Variants in ALK observed in about 807,000 individuals in gnomAD.
The protein encoded by ALK is ALK tyrosine kinase receptor.
A neutral mutation model predicts 163.1 loss-of-function variants in ALK; 74 were observed. That is an observed-to-expected ratio of 0.45 (90% CI 0.38 to 0.55). The LOEUF is 0.55. Ranked by LOEUF, ALK falls within the 20% of genes least tolerant of loss-of-function variation. The pLI is 0.00. For missense variants in ALK, 2,063 were observed against 2,105.3 expected (o/e 0.98, Z 0.39); for synonymous variants, 960 against 843.2 (o/e 1.14, Z -2.40).
chr2:29,258,226 A>G (rs1664997963), intron 11 of ALK, among the ~76,000 whole-genome samples: 2 of 152,166 alleles, frequency 1.3e-5, no homozygotes, highest in African/African-American at 4.8e-5. Flanking sequence ...GGGCAGTTCA[A>G]CATGTTCTCT....
chr2:29,194,004 C>G (rs1015209897), intron 28 of ALK, 82 bp from the exon 29 acceptor site: 3 of 1,330,050 alleles, frequency 2.3e-6, no homozygotes, highest in Non-Finnish European at 3.2e-6. Context: ...ATGATGTTAT[C>G]TAAACATATT....
intron 1 of ALK, among the ~76,000 whole-genome samples, chr2:29,734,533 T>A (rs974215978): frequency 1.6e-4 from 25 of 151,788 alleles, no homozygotes; most frequent in African/African-American, 5.6e-4. Context: ...AGGGATAGTA[T>A]CTTTACTATC....
intron 4 of ALK, among the ~76,000 whole-genome samples, chr2:29,409,659 C>G (rs546955176): frequency 2.0e-5 from 3 of 152,292 alleles, no homozygotes; most frequent in African/African-American, 7.2e-5. Context: ...GCCAGTGGCT[C>G]CCGTCAAGCC....
intron 1 of ALK, among the ~76,000 whole-genome samples, chr2:29,876,168 G>A (rs1311828250): frequency 6.6e-6 from 1 of 152,220 alleles, no homozygotes; most frequent in Non-Finnish European, 1.5e-5. Context: ...TACATAAAAT[G>A]GGGATAATAC....
chr2:29,497,187 G>A (rs141519371), intron 4 of ALK, among the ~76,000 whole-genome samples: 1,909 of 152,086 alleles, frequency 0.013, 16 homozygotes, highest in East Asian at 0.019. Flanking sequence ...CAGGAGAATC[G>A]CTTGAACCTG....
intron 3 of ALK, among the ~76,000 whole-genome samples, chr2:29,595,319 ATT>A (rs10641464): frequency 0.028 from 3,465 of 123,828 alleles, 110 homozygotes; most frequent in African/African-American, 0.1. Flanking sequence ...GTCTTACTGG[ATT>A]TTTTTTTTTT....
intron 1 of ALK, among the ~76,000 whole-genome samples, chr2:29,773,057 T>C (rs531086774): frequency 6.6e-6 from 1 of 152,334 alleles, no homozygotes; most frequent in South Asian, 2.1e-4. Flanking sequence ...CCAACATTGA[T>C]GTTGGAACTA....
At position 29,831,172 on chromosome 2, in the gene ALK, A is replaced by AGGG. The variant is rs1665394431; in HGVS notation, c.667+88820_667+88821insCCC. Among the ~76,000 whole-genome samples the AGGG allele has an allele frequency of 6.7e-5, 3 of 44,850 alleles. 1 individual carries two copies. The highest frequency in any genetic ancestry group is 1.3e-4 in the Non-Finnish European group (3 of 23,650). 29.4% of individuals were successfully genotyped at this position (44,850 alleles called of 152,430 possible). ...AAGAAGGGGAAGAAGGAGAAGAGGA[A>AGGG]GAGGAAGGGGAAGGGGAAGGGGAAG... On this transcript the variant is annotated intron_variant, in intron 1 of 28. Transcript: ENST00000389048.
intron 3 of ALK, among the ~76,000 whole-genome samples, chr2:29,688,590 C>T (rs534264274): frequency 6.6e-6 from 1 of 152,148 alleles, no homozygotes; most frequent in Non-Finnish European, 1.5e-5. Context: ...AGGAAGGGAG[C>T]TCTGGGGAGC....
At chr2:29,223,621 C>A (rs2148171496) in intron 19 of ALK, 93 bp from the exon 20 acceptor site, 1 of 1,196,382 alleles carries the variant, frequency 8.4e-7, no homozygotes, top group Non-Finnish European at 1.2e-6. Context: ...CCCTGGATCT[C>A]CATATCCTCC....
At chr2:29,322,726 C>G (rs185010060) in intron 6 of ALK, among the ~76,000 whole-genome samples, 2 of 152,122 alleles carry the variant, frequency 1.3e-5, no homozygotes, top group African/African-American at 4.8e-5. Flanking sequence ...CTCAGCTACT[C>G]GGGAGGCTGA....
chr2:29,476,597 G>A lies in ALK; in HGVS notation c.1154+55318C>T, dbSNP rs115976336. On this transcript the variant is annotated intron_variant, in intron 4 of 28. Transcript: ENST00000389048. ...CGGTGGTAGAAGCACAGAAGAGGGA[G>A]TGAGTAGCCCTGAGACCCGGGGGAG... Among the ~76,000 whole-genome samples, 233 of 152,200 alleles carry A rather than the reference G, an allele frequency of 1.5e-3. 2 individuals carry two copies. Among genetic ancestry groups the A allele is most frequent in the African/African-American group, 5.5e-3 (228 of 41,534 alleles).
At chr2:29,256,612 T>C (rs1172180037) in intron 11 of ALK, among the ~76,000 whole-genome samples, 1 of 151,886 alleles carries the variant, frequency 6.6e-6, no homozygotes, top group Non-Finnish European at 1.5e-5. Context: ...TTTGAGTGTT[T>C]TTTTTTTTTC....
At chr2:29,729,201 A>G (rs963937912) in intron 1 of ALK, among the ~76,000 whole-genome samples, 12 of 152,192 alleles carry the variant, frequency 7.9e-5, no homozygotes, top group African/African-American at 2.9e-4. Flanking sequence ...TCTTGCAGCC[A>G]TCTGGGTCAC....
intron 4 of ALK, among the ~76,000 whole-genome samples, chr2:29,422,033 C>A (rs1197676398): frequency 6.6e-6 from 1 of 151,458 alleles, no homozygotes; most frequent in Non-Finnish European, 1.5e-5. Context: ...CCAGACAACT[C>A]CATTTTGATA....
intron 24 of ALK, among the ~76,000 whole-genome samples, chr2:29,210,283 C>T (rs1041825184): frequency 1.3e-5 from 2 of 152,118 alleles, no homozygotes; most frequent in African/African-American, 4.8e-5. Flanking sequence ...AAGTAGATAA[C>T]ATAGGGCCAT....
At chr2:29,262,883 C>T (rs971019543) in intron 11 of ALK, among the ~76,000 whole-genome samples, 1 of 152,234 alleles carries the variant, frequency 6.6e-6, no homozygotes, top group Admixed American at 6.5e-5. Context: ...CCACCCCCTG[C>T]TCCCCAAGGG....
intron 9 of ALK, among the ~76,000 whole-genome samples, chr2:29,280,437 C>T (rs866515330): frequency 4.4e-5 from 6 of 135,892 alleles, no homozygotes; most frequent in East Asian, 2.3e-4. Flanking sequence ...AGAATGTACC[C>T]GGTGGACCAC....
intron 4 of ALK, among the ~76,000 whole-genome samples, chr2:29,413,507 T>C (rs1031561916): frequency 6.7e-6 from 1 of 149,674 alleles, no homozygotes; most frequent in African/African-American, 2.5e-5. Context: ...CCACCACATC[T>C]GGCTGATTTT....
Sources: allele counts gnomAD v4.1 joint callset (sites outside exome capture counted in the v4.1 genomes callset), GRCh38; gene constraint gnomAD v4.1.1; transcripts MANE v1.5; gene names NCBI Gene and HGNC (gene_info 2026-07-23, HGNC 2026-07-21).